The following FHIT variants were observed in gnomAD, a reference collection of about 807,000 sequenced individuals.
The protein encoded by FHIT is fragile histidine triad diadenosine triphosphatase.
A neutral mutation model predicts 17.9 loss-of-function variants in FHIT; 19 were observed. The observed-to-expected ratio is 1.06, with a 90% CI of 0.74 to 1.56. The LOEUF (loss-of-function observed/expected upper bound fraction) is 1.56, where lower values mean the gene tolerates loss of function less well. Ranked by LOEUF, FHIT falls within the 40% of genes most tolerant of loss-of-function variation. The pLI is 0.00. For synonymous variants in FHIT, 81 were observed against 69.7 expected (o/e 1.16, Z -0.81); for missense variants, 248 against 189.2 (o/e 1.31, Z -1.82).
intron 8 of FHIT, among the ~76,000 whole-genome samples, chr3:59,892,175 T>A (rs539320719): frequency 6.6e-6 from 1 of 152,306 alleles, no homozygotes; most frequent in South Asian, 2.1e-4. Flanking sequence ...AGCAGATTTT[T>A]ACATCATCGG....
chr3:60,773,295 C>A (rs1553723630), intron 4 of FHIT, among the ~76,000 whole-genome samples: 1 of 152,098 alleles, frequency 6.6e-6, no homozygotes, highest in Non-Finnish European at 1.5e-5. Context: ...AGGTCAAAAC[C>A]AAGAATATTT....
chr3:60,808,004 G>C (rs1701456484), intron 4 of FHIT, among the ~76,000 whole-genome samples: 2 of 152,206 alleles, frequency 1.3e-5, no homozygotes. Flanking sequence ...TCCAAAGTGT[G>C]AATAGGCCAT....
intron 4 of FHIT, among the ~76,000 whole-genome samples, chr3:60,624,728 G>C (rs1413323953): frequency 6.6e-6 from 1 of 152,060 alleles, no homozygotes; most frequent in Non-Finnish European, 1.5e-5. Context: ...TTCCATATGT[G>C]GTCTTTTCTG....
intron 8 of FHIT, among the ~76,000 whole-genome samples, chr3:59,857,080 C>G (rs1044969949): frequency 1.3e-5 from 2 of 152,174 alleles, no homozygotes; most frequent in African/African-American, 2.4e-5. Context: ...CTGATATTAC[C>G]AGCTGCTATC....
At chr3:59,953,958 A>G (rs781616731) in intron 7 of FHIT, among the ~76,000 whole-genome samples, 2 of 152,234 alleles carry the variant, frequency 1.3e-5, no homozygotes, top group Admixed American at 6.5e-5. Flanking sequence ...CTGCATAAGC[A>G]GAGCCCATCC....
chr3:60,508,362 C>G (rs576139235), intron 5 of FHIT, among the ~76,000 whole-genome samples: 1 of 152,282 alleles, frequency 6.6e-6, no homozygotes, highest in East Asian at 1.9e-4. Flanking sequence ...ATGAATTTGA[C>G]TTAATTTATC....
At chr3:60,665,573 A>C (rs570775865) in intron 4 of FHIT, among the ~76,000 whole-genome samples, 1 of 151,972 alleles carries the variant, frequency 6.6e-6, no homozygotes, top group Non-Finnish European at 1.5e-5. Flanking sequence ...CACTTTTATC[A>C]GATACTAGTA....
intron 5 of FHIT, among the ~76,000 whole-genome samples, chr3:60,205,712 T>C (rs1703139560): frequency 6.6e-6 from 1 of 152,170 alleles, no homozygotes. Context: ...TACACATACA[T>C]ACATTTACAT....
chr3:59,825,558 A>G (rs925501763), intron 8 of FHIT, among the ~76,000 whole-genome samples: 2 of 152,182 alleles, frequency 1.3e-5, no homozygotes, highest in Admixed American at 6.5e-5. Flanking sequence ...TCCAATATCA[A>G]TTTGCTCCCA....
At chr3:61,208,624 C>A (rs547146637) in intron 1 of FHIT, among the ~76,000 whole-genome samples, 1 of 151,852 alleles carries the variant, frequency 6.6e-6, no homozygotes, top group African/African-American at 2.4e-5. Context: ...TTATCAGTGA[C>A]TAGGATTGCA....
chr3:60,206,368 G>A (rs1264883679), intron 5 of FHIT, among the ~76,000 whole-genome samples: 1 of 152,086 alleles, frequency 6.6e-6, no homozygotes, highest in African/African-American at 2.4e-5. Context: ...AGCTTCAGAT[G>A]TAAAGGAGCT....
chr3:60,724,048 A>G (rs1553708738), intron 4 of FHIT, among the ~76,000 whole-genome samples: 1 of 152,238 alleles, frequency 6.6e-6, no homozygotes, highest in Non-Finnish European at 1.5e-5. Flanking sequence ...CAAGATTTAT[A>G]TTCATAGAGT....
chr3:60,028,151 C>G (rs1700834812), intron 5 of FHIT, among the ~76,000 whole-genome samples: 1 of 148,148 alleles, frequency 6.8e-6, no homozygotes, highest in Non-Finnish European at 1.5e-5. Context: ...GTGGCCACCA[C>G]CTAGAGATTT....
intron 2 of FHIT, among the ~76,000 whole-genome samples, chr3:61,158,386 G>T (rs535578233): frequency 6.6e-6 from 1 of 152,236 alleles, no homozygotes; most frequent in South Asian, 2.1e-4. Flanking sequence ...TCCATAATTG[G>T]TAACCAAATA....
At chr3:60,211,068 T>TAAAAAA (rs10663373) in intron 5 of FHIT, among the ~76,000 whole-genome samples, 7 of 84,410 alleles carry the variant, frequency 8.3e-5, no homozygotes, top group South Asian at 3.8e-4. Context: ...TATAAAACCG[T>TAAAAAA]AAAAAAAAAA....
intron 4 of FHIT, among the ~76,000 whole-genome samples, chr3:60,612,158 G>C (rs2038805023): frequency 6.6e-6 from 1 of 152,082 alleles, no homozygotes; most frequent in African/African-American, 2.4e-5. Context: ...GGCCTTTAGT[G>C]AAGTGGTCAA....
In FHIT at chr3:60,259,981, C is replaced by A. The variant is rs573249759; in HGVS notation, c.104-245829G>T. 5.7e-4 allele frequency among the ~76,000 whole-genome samples: 87 copies of A among 152,056 alleles called. 1 individual carries two copies. Among genetic ancestry groups the A allele is most frequent in the African/African-American group, 2.0e-3 (81 of 41,506 alleles). The stretch of plus-strand genomic sequence containing the variant: ...ATACCCCTGTACCACTGGGCCCCTT[C>A]CAGAGCATGAAAATGAATGAGAATA... On this transcript the variant is annotated intron_variant, in intron 5 of 9. Transcript: ENST00000492590.
intron 5 of FHIT, among the ~76,000 whole-genome samples, chr3:60,512,694 G>T (rs2034996168): frequency 6.6e-6 from 1 of 152,148 alleles, no homozygotes; most frequent in Non-Finnish European, 1.5e-5. Flanking sequence ...CAGAGGCAAG[G>T]GGACAACATA....
intron 3 of FHIT, among the ~76,000 whole-genome samples, chr3:60,906,654 G>T (rs1260148799): frequency 6.6e-6 from 1 of 152,146 alleles, no homozygotes; most frequent in Non-Finnish European, 1.5e-5. Context: ...ATAGGAACTA[G>T]CATCAGGGGA....
Sources: allele counts gnomAD v4.1 joint callset (sites outside exome capture counted in the v4.1 genomes callset), GRCh38; gene constraint gnomAD v4.1.1; transcripts MANE v1.5; gene names NCBI Gene and HGNC (gene_info 2026-07-23, HGNC 2026-07-21).